The following OPCML variants were observed in gnomAD, a reference collection of about 807,000 sequenced individuals.
OPCML encodes opioid binding protein/cell adhesion molecule like.
OPCML carries 13 observed loss-of-function variants against 37.8 expected under a neutral mutation model. The observed-to-expected ratio is 0.34, with a 90% CI of 0.22 to 0.55. The LOEUF (loss-of-function observed/expected upper bound fraction) is 0.55. Ranked by LOEUF, OPCML falls within the 20% of genes least tolerant of loss-of-function variation. The pLI, the probability that OPCML is intolerant of heterozygous loss-of-function variation, is 0.91. For synonymous variants in OPCML, 176 were observed against 168.8 expected (o/e 1.04, Z -0.33); for missense variants, 341 against 435.6 (o/e 0.78, Z 1.93).
chr11:132,516,121 G>T (rs150401791), intron 4 of OPCML, among the ~76,000 whole-genome samples: 1 of 152,160 alleles, frequency 6.6e-6, no homozygotes, highest in African/African-American at 2.4e-5. Flanking sequence ...ACAGATCACC[G>T]TGTCTAGAAG....
intron 2 of OPCML, among the ~76,000 whole-genome samples, chr11:132,678,268 AACAGGAACTCTCCTTCAT>A (rs1942796316): frequency 6.6e-6 from 1 of 152,212 alleles, no homozygotes; most frequent in Non-Finnish European, 1.5e-5. Flanking sequence ...GATGTGGAGC[AACAGGAACTCTCCTTCAT>A]TGCCGGTAGG....
rs186974264 is a variant in OPCML, at chr11:132,968,496, C to T, written c.62-25486G>A. 9.2e-4 allele frequency among the ~76,000 whole-genome samples: 140 copies of T among 151,936 alleles called. No homozygotes were observed. In the East Asian group the frequency reaches 0.017, roughly 18 times the overall value. On this transcript the variant is annotated intron_variant, in intron 1 of 7. Coordinates refer to ENST00000524381, the MANE Select transcript of OPCML (RefSeq NM_001012393.5). ...TTCAAATCTTTTTTTTGTCTTTTTTCTTCCTCTTGTTATAAAGCTACCAGT... is the reference window on the plus strand; with the variant it reads ...TTCAAATCTTTTTTTTGTCTTTTTTTTTCCTCTTGTTATAAAGCTACCAGT...
chr11:133,039,023 C>G (rs1291702054), intron 1 of OPCML, among the ~76,000 whole-genome samples: 2 of 152,190 alleles, frequency 1.3e-5, no homozygotes, highest in Non-Finnish European at 2.9e-5. Context: ...AGTAAAGTGG[C>G]AAATGCCCCC....
rs906849756 is a variant in OPCML, at chr11:133,007,270, CTG to C, written c.62-64262_62-64261del. On this transcript the variant is annotated intron_variant, in intron 1 of 7. Coordinates refer to ENST00000524381, the MANE Select transcript of OPCML (RefSeq NM_001012393.5). ...CAATTTGTGGTTATATTCAAAATAA[CTG>C]AGCTATTTATGCTGTTGCAGGATAC... The C allele has an allele frequency of 7.6e-5, 75 of 985,160 alleles. No homozygotes were observed. In the African/African-American group the frequency reaches 1.3e-3, roughly 17 times the overall value. 61.0% of individuals were successfully genotyped at this position (985,160 alleles called of 1,614,324 possible).
At chr11:133,095,984 A>T (rs1387285838) in intron 1 of OPCML, among the ~76,000 whole-genome samples, 1 of 152,220 alleles carries the variant, frequency 6.6e-6, no homozygotes, top group Admixed American at 6.5e-5. Context: ...GAAATAAACT[A>T]TATGTCAGAA....
At chr11:132,674,574 A>T (rs994547665) in intron 2 of OPCML, among the ~76,000 whole-genome samples, 1 of 152,248 alleles carries the variant, frequency 6.6e-6, no homozygotes, top group African/African-American at 2.4e-5. Flanking sequence ...CACTTGTCTT[A>T]TAAAATTAAA....
chr11:132,722,297 C>T (rs1944702584), intron 2 of OPCML, among the ~76,000 whole-genome samples: 2 of 151,770 alleles, frequency 1.3e-5, no homozygotes, highest in South Asian at 4.2e-4. Context: ...TATCTAAACT[C>T]ACACCACATC....
intron 1 of OPCML, among the ~76,000 whole-genome samples, chr11:133,227,345 T>G (rs1057033492): frequency 1.3e-5 from 2 of 152,210 alleles, no homozygotes; most frequent in African/African-American, 2.4e-5. Context: ...TTCTTGTGAT[T>G]TTGTCAGATC....
intron 2 of OPCML, among the ~76,000 whole-genome samples, chr11:132,901,388 C>A (rs1439272292): frequency 6.6e-6 from 1 of 152,062 alleles, no homozygotes; most frequent in Admixed American, 6.6e-5. Context: ...TTGATTGAGT[C>A]CTCAGTTTTC....
chr11:133,458,607 GTA>G lies in OPCML; in HGVS notation c.61+73655_61+73656del, dbSNP rs1307717342. On this transcript the variant is annotated intron_variant, in intron 1 of 7. Coordinates refer to ENST00000524381, the MANE Select transcript of OPCML (RefSeq NM_001012393.5). ...TACACATATATACACGTGTGTGTGT[GTA>G]TACACATATATACACGTGTGTGTGT... 4.4e-4 allele frequency among the ~76,000 whole-genome samples: 31 copies of G among 69,944 alleles called. 4 individuals are homozygous for G. The highest frequency in any genetic ancestry group is 8.3e-4 in the African/African-American group (4 of 4,838). The allele number at this position is 69,944 out of a possible 152,430, so 45.9% of individuals were successfully genotyped here. A position where few individuals can be genotyped will look rare whatever the true frequency, so the allele number is the denominator to read the frequency against.
At chr11:132,539,384 T>C (rs2137356226) in intron 3 of OPCML, among the ~76,000 whole-genome samples, 1 of 152,304 alleles carries the variant, frequency 6.6e-6, no homozygotes, top group East Asian at 1.9e-4. Flanking sequence ...GTGAAAATAG[T>C]GAATCTCAGG....
chr11:133,418,525 T>C, intron 1 of OPCML: 2 of 930,250 alleles, frequency 2.1e-6, no homozygotes, highest in Non-Finnish European at 2.6e-6. Flanking sequence ...ATTATGACAG[T>C]AGGAGAAACC....
intron 1 of OPCML, among the ~76,000 whole-genome samples, chr11:133,531,002 A>T (rs1286639344): frequency 1.3e-5 from 2 of 152,352 alleles, no homozygotes; most frequent in Admixed American, 6.5e-5. Context: ...GTAAGGTTTT[A>T]AAATCTTAGC....
chr11:133,241,838 A>G (rs1940742954), intron 1 of OPCML, among the ~76,000 whole-genome samples: 1 of 152,024 alleles, frequency 6.6e-6, no homozygotes, highest in African/African-American at 2.4e-5. Flanking sequence ...AACAACTTCC[A>G]CGCTTCCACG....
rs77854392 is a variant in OPCML, at chr11:132,578,551, A to C, written c.380-49365T>G. Among the ~76,000 whole-genome samples the C allele has an allele frequency of 0.012, 1,799 of 152,310 alleles. 131 individuals carry two copies. In the East Asian group the frequency reaches 0.21, roughly 18 times the overall value. On this transcript the variant is annotated intron_variant, in intron 3 of 7. Transcript: ENST00000524381. ...ACTCATTTTAAGGTATGACAGTTCC[A>C]AAGCCTTGGTAATGTATAAGCCATC...
At chr11:133,247,855 C>A (rs899524707) in intron 1 of OPCML, among the ~76,000 whole-genome samples, 1 of 152,092 alleles carries the variant, frequency 6.6e-6, no homozygotes, top group Non-Finnish European at 1.5e-5. Flanking sequence ...GGTGATCACC[C>A]GCTTTGGTCT....
intron 4 of OPCML, among the ~76,000 whole-genome samples, chr11:132,479,439 G>C (rs2096170186): frequency 6.6e-6 from 1 of 152,222 alleles, no homozygotes; most frequent in African/African-American, 2.4e-5. Context: ...GCAGCAGCGA[G>C]GCTGGGGAAG....
At chr11:132,736,015 C>T (rs995731451) in intron 2 of OPCML, among the ~76,000 whole-genome samples, 1 of 152,164 alleles carries the variant, frequency 6.6e-6, no homozygotes, top group Non-Finnish European at 1.5e-5. Flanking sequence ...ATAGCCCAGG[C>T]CTTGTGTCTG....
In OPCML at chr11:133,447,578, G is replaced by A. The variant is rs1946498008; in HGVS notation, c.61+84686C>T. Among the ~76,000 whole-genome samples the A allele has an allele frequency of 1.3e-5, 2 of 152,082 alleles. 1 individual carries two copies. The highest frequency in any genetic ancestry group is 4.8e-5 in the African/African-American group (2 of 41,420). ...ATTGTTGCCATTTTTATGTCCATGA[G>A]TACCTAATATTTAGCTCCCACTTAT... On this transcript the variant is annotated intron_variant, in intron 1 of 7. Transcript: ENST00000524381.
Sources: gnomAD v4.1 joint callset for allele counts (sites outside exome capture counted in the v4.1 genomes callset) on GRCh38, gnomAD v4.1.1 for gene constraint, MANE v1.5 for transcripts, NCBI Gene and HGNC (gene_info 2026-07-23, HGNC 2026-07-21) for gene names.